Variants in RTCA observed in about 807,000 individuals in gnomAD.
RTCA encodes RNA terminal phosphate cyclase domain 1.
A neutral mutation model predicts 46.1 loss-of-function variants in RTCA; 37 were observed. That is an observed-to-expected ratio of 0.80 (90% confidence interval 0.62 to 1.06). RTCA has a LOEUF of 1.06. Ranked by LOEUF, RTCA falls within the 50% of genes least tolerant of loss-of-function variation. The probability of loss-of-function intolerance (pLI) is 0.00; values close to 1 mark genes in which losing one functional copy is unlikely to be tolerated. For missense variants in RTCA, 435 were observed against 455.5 expected (o/e 0.95, Z 0.41); for synonymous variants, 164 against 158.3 (o/e 1.04, Z -0.27).
intron 8 of RTCA, among the ~76,000 whole-genome samples, chr1:100,278,921 A>C (rs1026402605): frequency 6.6e-6 from 1 of 152,208 alleles, no homozygotes; most frequent in African/African-American, 2.4e-5. Flanking sequence ...AATCTGTGGG[A>C]GTGGGGCCCA....
chr1:100,289,052 G>A (rs1420022810), intron 10 of RTCA, among the ~76,000 whole-genome samples: 1 of 151,930 alleles, frequency 6.6e-6, no homozygotes, highest in African/African-American at 2.4e-5. Context: ...TCAAACTCCT[G>A]GCCTTACGCG....
At chr1:100,273,143 A>T (rs1387574717) in intron 4 of RTCA, among the ~76,000 whole-genome samples, 1 of 152,178 alleles carries the variant, frequency 6.6e-6, no homozygotes, top group Non-Finnish European at 1.5e-5. Flanking sequence ...CTGATATCAA[A>T]TATCCTAAGT....
At chr1:100,286,846 G>T (rs1220008728) in intron 9 of RTCA, among the ~76,000 whole-genome samples, 1 of 152,114 alleles carries the variant, frequency 6.6e-6, no homozygotes, top group African/African-American at 2.4e-5. Flanking sequence ...TTACTGTTCT[G>T]TATTTTACTT....
Position 100,285,214 on chromosome 1 carries a change from G to T in RTCA, c.800-14G>T, listed in dbSNP as rs1328812619. ...TTTTGTTTTGTTTTGTTTTAATGTT[G>T]TGCTTATCTTAAGGTGTAAATGCAG... On this transcript the variant is annotated splice_polypyrimidine_tract_variant and intron_variant, in intron 8 of 10. Coordinates refer to ENST00000370128, the MANE Select transcript of RTCA (RefSeq NM_003729.4). 2.5e-6 allele frequency: 4 copies of T among 1,595,018 alleles called. No individual in the cohort carries two copies. In the East Asian group the frequency reaches 9.0e-5, roughly 36 times the overall value.
intron 2 of RTCA, chr1:100,267,043 A>G (rs1010883286): frequency 1.3e-5 from 3 of 224,284 alleles, no homozygotes; most frequent in East Asian, 2.0e-4. Context: ...AAAACAGGAA[A>G]GAATCCTGAG....
intron 8 of RTCA, among the ~76,000 whole-genome samples, chr1:100,283,408 C>T (rs1318253318): frequency 2.6e-5 from 4 of 151,748 alleles, no homozygotes; most frequent in African/African-American, 4.8e-5. Flanking sequence ...GTGATCTGCC[C>T]GCCTTGGCCT....
rs758329565 is a variant in RTCA at position 100,268,301 on chromosome 1, T to C, written c.290+6T>C. The C allele has an allele frequency of 1.4e-5, 22 of 1,600,814 alleles. No homozygotes were observed. Among genetic ancestry groups the C allele is most frequent in the Non-Finnish European group, 1.8e-5 (21 of 1,172,090 alleles). Reference sequence around the variant, plus strand: ...GCAGATACCAAGACAGCAGGGTATGTATCACTTAACATTCCATTTAAGTAA... The same window carrying C: ...GCAGATACCAAGACAGCAGGGTATGCATCACTTAACATTCCATTTAAGTAA... On this transcript the variant is annotated splice_donor_region_variant and intron_variant, in intron 3 of 10. Coordinates refer to ENST00000370128, the MANE Select transcript of RTCA (RefSeq NM_003729.4).
At chr1:100,280,323 C>G (rs1666629914) in intron 8 of RTCA, among the ~76,000 whole-genome samples, 1 of 152,164 alleles carries the variant, frequency 6.6e-6, no homozygotes, top group African/African-American at 2.4e-5. Context: ...ATCAGTAATA[C>G]ATGGAATTTT....
rs1665757034 is a variant in RTCA at position 100,266,224 on chromosome 1, G to A, written c.-152G>A. 1 of 889,064 alleles carries A rather than the reference G, an allele frequency of 1.1e-6. No individual in the cohort carries two copies. The highest frequency in any genetic ancestry group is 2.9e-5 in the Admixed American group (1 of 34,766). The allele number at this position is 889,064 out of a possible 1,614,324, so 55.1% of individuals were successfully genotyped here. A position where few individuals can be genotyped will look rare whatever the true frequency, so the allele number is the denominator to read the frequency against. On this transcript the variant is annotated 5_prime_UTR_variant, in exon 1 of 11. Transcript: ENST00000370128. ...TCGTTTCTGCTGACTCCAGTGTCCCGAGAGGCGCCGCTTCTTCCGCTTTCT... is the reference window on the plus strand; with the variant it reads ...TCGTTTCTGCTGACTCCAGTGTCCCAAGAGGCGCCGCTTCTTCCGCTTTCT...
At chr1:100,290,946 G>A (rs1372256873) in intron 10 of RTCA, among the ~76,000 whole-genome samples, 1 of 151,920 alleles carries the variant, frequency 6.6e-6, no homozygotes, top group Non-Finnish European at 1.5e-5. Context: ...TCTTTTGAAC[G>A]ATATATATAG....
chr1:100,290,982 T>C (rs777138679), intron 10 of RTCA, among the ~76,000 whole-genome samples: 14 of 152,126 alleles, frequency 9.2e-5, no homozygotes, highest in Non-Finnish European at 1.8e-4. Context: ...AGAAAAAATG[T>C]AAAGAAATTA....
intron 5 of RTCA, among the ~76,000 whole-genome samples, chr1:100,273,846 G>A (rs1666230015): frequency 6.6e-6 from 1 of 152,152 alleles, no homozygotes; most frequent in African/African-American, 2.4e-5. Context: ...TGGGCATTCA[G>A]GTTATTTCTC....
intron 8 of RTCA, among the ~76,000 whole-genome samples, chr1:100,284,934 T>C (rs1276690460): frequency 1.3e-5 from 2 of 152,200 alleles, no homozygotes; most frequent in Non-Finnish European, 2.9e-5. Context: ...CATAGCATTA[T>C]AGGGTCATAA....
chr1:100,275,798 G>T (rs1422012350), intron 7 of RTCA, 75 bp downstream of exon 7: 29 of 1,285,384 alleles, frequency 2.3e-5, no homozygotes, highest in Non-Finnish European at 2.8e-5. Flanking sequence ...AGATTTTTAG[G>T]GTTTCTTGCT....
Position 100,275,584 on chromosome 1 carries a change from G to C in RTCA, c.616-15G>C. ...AGTAATTGTTTTATTCTATTTTTCT[G>C]TCTTGCTAAAATAGGTAGCAAAAGA... On this transcript the variant is annotated splice_polypyrimidine_tract_variant and intron_variant, in intron 6 of 10. Coordinates refer to ENST00000370128, the MANE Select transcript of RTCA (RefSeq NM_003729.4). 2 of 1,582,056 alleles carry C rather than the reference G, an allele frequency of 1.3e-6. No individual in the cohort carries two copies. The highest frequency in any genetic ancestry group is 1.7e-6 in the Non-Finnish European group (2 of 1,166,002).
intron 2 of RTCA, chr1:100,267,131 CT>C: frequency 4.3e-6 from 1 of 233,946 alleles, no homozygotes; most frequent in Non-Finnish European, 8.3e-6. Flanking sequence ...AGGGAAACAC[CT>C]TGACATTTGA....
At chr1:100,280,659 C>T (rs1036458777) in intron 8 of RTCA, among the ~76,000 whole-genome samples, 2 of 152,138 alleles carry the variant, frequency 1.3e-5, no homozygotes, top group Non-Finnish European at 2.9e-5. Context: ...GTCATGACCT[C>T]TATTATCCAG....
chr1:100,268,187 A>G lies in RTCA; in HGVS notation c.182A>G (p.Asp61Gly), dbSNP rs1665889975. 6.2e-7 allele frequency: 1 copy of G among 1,614,016 alleles called. No individual in the cohort carries two copies. The highest frequency in any genetic ancestry group is 1.3e-5 in the African/African-American group (1 of 74,904). ...QHLSGLEMIR[D>G]LCDGQLEGAE... ...TTATCTGGACTGGAAATGATTCGAGATTTGTGTGATGGGCAACTGGAGGGG... is the reference window on the plus strand; with the variant it reads ...TTATCTGGACTGGAAATGATTCGAGGTTTGTGTGATGGGCAACTGGAGGGG... The change falls in exon 3 of 11, where the codon GAT becomes GGT. Residue 61 changes from aspartate (D) to glycine (G), a missense_variant. Coordinates refer to ENST00000370128, the MANE Select transcript of RTCA (RefSeq NM_003729.4).
chr1:100,286,529 A>G (rs1042998234), intron 9 of RTCA, among the ~76,000 whole-genome samples: 1 of 151,866 alleles, frequency 6.6e-6, no homozygotes, highest in African/African-American at 2.4e-5. Flanking sequence ...GTGATACTGA[A>G]TATTTCCAAA....
Sources: allele counts gnomAD v4.1 joint callset (sites outside exome capture counted in the v4.1 genomes callset), GRCh38; gene constraint gnomAD v4.1.1; transcripts MANE v1.5; gene names NCBI Gene and HGNC (gene_info 2026-07-23, HGNC 2026-07-21).